PTER: variants seen among roughly 807,000 people sequenced by gnomAD.
PTER encodes the protein N-acetyltaurine hydrolase.
A neutral mutation model predicts 29.6 loss-of-function variants in PTER; 38 were observed. The ratio of observed to expected loss-of-function variants is 1.28; its 90% CI spans 0.99 to 1.68. The LOEUF is 1.68. Among genes scored for constraint, PTER ranks in the 40% most tolerant of loss-of-function variants. The pLI is 0.00. For missense variants in PTER, 482 were observed against 427.8 expected, an observed-to-expected ratio of 1.13 and a Z score of -1.12; for synonymous variants, 172 against 154.5, an observed-to-expected ratio of 1.11 and a Z score of -0.84.
At chr10:16,462,893 C>A (rs967620049) in intron 1 of PTER, among the ~76,000 whole-genome samples, 2 of 151,428 alleles carry the variant, frequency 1.3e-5, no homozygotes, top group African/African-American at 4.8e-5. Context: ...CTTAACATTA[C>A]CTCCTTAAGA....
At chr10:16,493,976 C>T (rs902702252) in intron 3 of PTER, among the ~76,000 whole-genome samples, 12 of 152,272 alleles carry the variant, frequency 7.9e-5, no homozygotes, top group African/African-American at 2.9e-4. Context: ...CCCACCAAAG[C>T]CTTCCACGAG....
chr10:16,438,499 G>A (rs985684359), intron 1 of PTER, among the ~76,000 whole-genome samples: 8 of 149,850 alleles, frequency 5.3e-5, no homozygotes, highest in African/African-American at 2.0e-4. Flanking sequence ...GGTAGAGACG[G>A]GGTTTTGCCA....
At position 16,489,350 on chromosome 10, in the gene PTER, A is replaced by G. The variant is rs552385970; in HGVS notation, c.698+2733A>G. 2.7e-3 allele frequency among the ~76,000 whole-genome samples: 409 copies of G among 152,322 alleles called. 1 individual carries two copies. Among genetic ancestry groups the G allele is most frequent in the African/African-American group, 9.5e-3 (393 of 41,572 alleles). On this transcript the variant is annotated intron_variant, in intron 3 of 4. Transcript: ENST00000535784. ...GTTTCGATTCAACCTTTAAAAAAATATTAAACATACAATGTATAACTTGTA... is the reference window on the plus strand; with the variant it reads ...GTTTCGATTCAACCTTTAAAAAAATGTTAAACATACAATGTATAACTTGTA...
At chr10:16,450,965 T>G (rs1349735014) in intron 1 of PTER, among the ~76,000 whole-genome samples, 1 of 152,080 alleles carries the variant, frequency 6.6e-6, no homozygotes, top group Non-Finnish European at 1.5e-5. Context: ...AGAAGTAGAG[T>G]ACTTAGCATT....
intron 1 of PTER, among the ~76,000 whole-genome samples, chr10:16,483,675 C>T (rs957479380): frequency 6.6e-6 from 1 of 152,026 alleles, no homozygotes; most frequent in African/African-American, 2.4e-5. Flanking sequence ...TAGGGAAACC[C>T]CATCTCCTAA....
chr10:16,486,600 C>T lies in PTER; in HGVS notation c.681C>T (p.Val227=). The part of the protein sequence containing the change: ...QEAGADISKT[V]MSHLDRTILD... ...CAGGCGCAGACATCTCCAAAACAGT[C>T]ATGTCACACCTGGATAGGTAAGTAG... is the stretch of plus-strand genomic sequence containing the variant. The change falls in exon 3 of 5, where the codon GTC becomes GTT. Residue 227 remains valine (V), a synonymous_variant. Transcript: ENST00000535784. 6.2e-7 allele frequency: 1 copy of T among 1,612,786 alleles called. No homozygotes were observed.
chr10:16,510,097 CA>C (rs902848574), intron 4 of PTER, among the ~76,000 whole-genome samples: 2 of 151,940 alleles, frequency 1.3e-5, no homozygotes, highest in African/African-American at 4.8e-5. Flanking sequence ...ATCTAGACGC[CA>C]AAAAAACTAT....
intron 1 of PTER, chr10:16,475,931 T>G (rs968203833): frequency 6.6e-6 from 1 of 152,258 alleles, no homozygotes; most frequent in Non-Finnish European, 1.5e-5. Context: ...AACAAGTTTA[T>G]GCTGATTTGT....
At chr10:16,481,441 T>A (rs150115971) in intron 1 of PTER, among the ~76,000 whole-genome samples, 126 of 152,284 alleles carry the variant, frequency 8.3e-4, no homozygotes, top group African/African-American at 2.6e-3. Flanking sequence ...AAGGGCTCCC[T>A]CCCTGCACAG....
intron 1 of PTER, among the ~76,000 whole-genome samples, chr10:16,447,715 C>A (rs370127203): frequency 1.3e-5 from 2 of 152,046 alleles, no homozygotes; most frequent in Non-Finnish European, 2.9e-5. Context: ...CACCATACAT[C>A]GTATTTATAT....
At chr10:16,491,213 T>C (rs886741478) in intron 3 of PTER, among the ~76,000 whole-genome samples, 5 of 152,104 alleles carry the variant, frequency 3.3e-5, no homozygotes, top group African/African-American at 1.2e-4. Flanking sequence ...ACGGTTCCAG[T>C]GCATGAAAAA....
intron 1 of PTER, among the ~76,000 whole-genome samples, chr10:16,473,363 A>G (rs924803349): frequency 6.6e-6 from 1 of 151,984 alleles, no homozygotes; most frequent in African/African-American, 2.4e-5. Flanking sequence ...AGCACACCCC[A>G]GTTAGTAAGT....
At chr10:16,473,743 A>G (rs1362488803) in intron 1 of PTER, among the ~76,000 whole-genome samples, 1 of 152,170 alleles carries the variant, frequency 6.6e-6, no homozygotes, top group Non-Finnish European at 1.5e-5. Context: ...GCTGAAAGAG[A>G]TATTGGAGAA....
chr10:16,470,595 C>T (rs1835010638), intron 1 of PTER, among the ~76,000 whole-genome samples: 1 of 152,084 alleles, frequency 6.6e-6, no homozygotes, highest in Non-Finnish European at 1.5e-5. Context: ...GAGTGAAACC[C>T]CATGTCTACT....
chr10:16,477,350 T>C (rs1835315917), intron 1 of PTER, among the ~76,000 whole-genome samples: 1 of 106,742 alleles, frequency 9.4e-6, no homozygotes, highest in Admixed American at 8.1e-5. Flanking sequence ...TTTTATTTTA[T>C]TTTTTTTTTA....
intron 1 of PTER, among the ~76,000 whole-genome samples, chr10:16,477,394 A>G (rs1835318415): frequency 6.6e-6 from 1 of 151,860 alleles, no homozygotes; most frequent in Non-Finnish European, 1.5e-5. Flanking sequence ...CCAGGCTAGT[A>G]TTGAACTCCT....
intron 1 of PTER, among the ~76,000 whole-genome samples, chr10:16,482,496 T>G (rs1835517922): frequency 6.6e-6 from 1 of 152,224 alleles, no homozygotes; most frequent in Non-Finnish European, 1.5e-5. Context: ...ACCTGTGGTA[T>G]CTAATTTATT....
intron 1 of PTER, among the ~76,000 whole-genome samples, chr10:16,455,243 A>C (rs541745067): frequency 7.9e-5 from 12 of 152,264 alleles, no homozygotes; most frequent in East Asian, 5.8e-4. Flanking sequence ...CAAAACAAAA[A>C]AAAAATGAAT....
chr10:16,440,510 GTACAAATACCT>G (rs768902266), intron 1 of PTER, among the ~76,000 whole-genome samples: 1 of 152,214 alleles, frequency 6.6e-6, no homozygotes, highest in African/African-American at 2.4e-5. Flanking sequence ...AACCACCTGA[GTACAAATACCT>G]CTGTGCCTGC....
Sources: gnomAD v4.1 joint callset for allele counts (sites outside exome capture counted in the v4.1 genomes callset) on GRCh38, gnomAD v4.1.1 for gene constraint, MANE v1.5 for transcripts, NCBI Gene and HGNC (gene_info 2026-07-23, HGNC 2026-07-21) for gene names.